ZSCAN32: variants seen among roughly 807,000 people sequenced by gnomAD.
The protein encoded by ZSCAN32 is zinc finger and SCAN domain-containing protein 32.
In ZSCAN32, 52 loss-of-function variants were observed where a neutral mutation model predicts 47.4. The observed-to-expected ratio is 1.10, with a 90% CI of 0.88 to 1.38. The LOEUF (loss-of-function observed/expected upper bound fraction) is 1.38. Ranked by LOEUF, ZSCAN32 falls within the 40% of genes most tolerant of loss-of-function variation. The pLI, the probability that ZSCAN32 is intolerant of heterozygous loss-of-function variation, is 0.00. For synonymous variants in ZSCAN32, 346 were observed against 305.7 expected (o/e 1.13, Z -1.38); for missense variants, 959 against 846.0 (o/e 1.13, Z -1.66).
chr16:3,393,468 C>T (rs1023302771), intron 3 of ZSCAN32, among the ~76,000 whole-genome samples, 181 bp downstream of exon 3: 2 of 150,214 alleles, frequency 1.3e-5, no homozygotes, highest in South Asian at 2.1e-4. Flanking sequence ...TCAGGTGATC[C>T]GCCTGTCTGG....
intron 1 of ZSCAN32, among the ~76,000 whole-genome samples, chr16:3,398,423 T>G (rs908029351): frequency 6.6e-6 from 1 of 152,188 alleles, no homozygotes; most frequent in Non-Finnish European, 1.5e-5. Context: ...GCCAAAGCCC[T>G]AGCCTCTGAA....
rs535500853 is a variant in ZSCAN32, at chr16:3,388,205, G to A, written c.751+1805C>T. Among the ~76,000 whole-genome samples the A allele has an allele frequency of 1.3e-3, 196 of 152,286 alleles. 2 individuals carry two copies. The Middle Eastern group carries it at 0.017, about 13-fold the overall frequency. On this transcript the variant is annotated intron_variant, in intron 5 of 6. Coordinates refer to ENST00000396852, the MANE Select transcript of ZSCAN32 (RefSeq NM_001284527.2). ...TCATTTGATCTGGCTTTCTGAGCTC[G>A]TTTTCTCATTACTCATGGGTGTACT...
At chr16:3,398,634 G>T (rs747930017) in intron 1 of ZSCAN32, among the ~76,000 whole-genome samples, 2 of 152,130 alleles carry the variant, frequency 1.3e-5, no homozygotes, top group East Asian at 3.9e-4. Context: ...GTCTGCTGAC[G>T]AATTACTCAA....
Position 3,382,607 on chromosome 16 carries a change from T to A in ZSCAN32, c.*245A>T, listed in dbSNP as rs939752055. The A allele has an allele frequency of 5.1e-6, 2 of 395,924 alleles. No homozygotes were observed. The highest frequency in any genetic ancestry group is 1.8e-4 in the South Asian group (2 of 10,876). 24.5% of individuals were successfully genotyped at this position (395,924 alleles called of 1,614,324 possible). On this transcript the variant is annotated 3_prime_UTR_variant, in exon 7 of 7. Transcript: ENST00000396852. ...GGAAGACCCTGGTTTCCTGGTAGAATTTATGGATCCTACAGCTTTCTCTCC... is the reference window on the plus strand; with the variant it reads ...GGAAGACCCTGGTTTCCTGGTAGAAATTATGGATCCTACAGCTTTCTCTCC...
rs71392831 is a variant in ZSCAN32, at chr16:3,391,679, CA to C, written c.533-1163del. ...GGGCGACAAGAGTGAAACTCCATCTCAAAAAAAAAAAAAAAAAACAAAATAC... is the reference window on the plus strand; with the variant it reads ...GGGCGACAAGAGTGAAACTCCATCTCAAAAAAAAAAAAAAAAACAAAATAC... On this transcript the variant is annotated intron_variant, in intron 3 of 6. Coordinates refer to ENST00000396852, the MANE Select transcript of ZSCAN32 (RefSeq NM_001284527.2). Among the ~76,000 whole-genome samples the C allele has an allele frequency of 9.2e-3, 599 of 65,408 alleles. 4 individuals are homozygous for C. Among genetic ancestry groups the C allele is most frequent in the Non-Finnish European group, 0.014 (452 of 31,862 alleles). 42.9% of individuals were successfully genotyped at this position (65,408 alleles called of 152,430 possible).
chr16:3,393,801 T>C lies in ZSCAN32; in HGVS notation c.380A>G (p.Glu127Gly), dbSNP rs2033101846. The C allele has an allele frequency of 1.3e-6, 2 of 1,549,490 alleles. No homozygotes were observed. The highest frequency in any genetic ancestry group is 1.7e-6 in the Non-Finnish European group (2 of 1,146,244). ...CTTCATGAGTACTTTCAAGTCCTTC[T>C]CAGAATCTAGAACCTGAGAACAGAC... is the stretch of plus-strand genomic sequence containing the variant. ...RAPGQQVLDS[E>G]KDLKVLMKEM... The change falls in exon 3 of 7, where the codon GAG (glutamate) becomes GGG (glycine). Residue 127 changes from glutamate to glycine, a missense_variant. Glu to Gly is a moderately conservative substitution (Grantham distance 98). Coordinates refer to ENST00000396852, the MANE Select transcript of ZSCAN32 (RefSeq NM_001284527.2).
intron 1 of ZSCAN32, 22 bp from the exon 2 acceptor site, chr16:3,397,766 A>G: frequency 1.8e-6 from 1 of 556,068 alleles, no homozygotes; most frequent in Middle Eastern, 4.5e-4. Flanking sequence ...GGAAAAAGAC[A>G]ATATAAACCT....
At chr16:3,386,413 C>T (rs1035656350) in intron 5 of ZSCAN32, among the ~76,000 whole-genome samples, 3 of 152,064 alleles carry the variant, frequency 2.0e-5, no homozygotes, top group African/African-American at 7.3e-5. Context: ...ACCAGAAATA[C>T]CATTTGACCC....
intron 5 of ZSCAN32, among the ~76,000 whole-genome samples, chr16:3,387,959 C>T (rs1404185704): frequency 6.6e-6 from 1 of 152,170 alleles, no homozygotes; most frequent in Non-Finnish European, 1.5e-5. Context: ...ACTCCTCTGC[C>T]CAGAACCGCA....
chr16:3,383,221 C>G lies in ZSCAN32; in HGVS notation c.1725G>C (p.Arg575Ser), dbSNP rs772317955. Residue 575 changes from arginine to serine, a missense_variant, in exon 7 of 7, where the codon AGG (arginine) becomes AGC (serine). Coordinates refer to ENST00000396852, the MANE Select transcript of ZSCAN32 (RefSeq NM_001284527.2). ...TAHLRTHTGERPYQCGQCGKS... is the reference protein window; with the variant it reads ...TAHLRTHTGESPYQCGQCGKS... ...TCCCACATTGCCCACACTGATAGGG[C>G]CTCTCCCCTGTGTGAGTTCGTAGGT... 1 of 1,614,090 alleles carries G rather than the reference C, an allele frequency of 6.2e-7. No homozygotes were observed. The highest frequency in any genetic ancestry group is 1.1e-5 in the South Asian group (1 of 91,062).
At position 3,390,667 on chromosome 16, in the gene ZSCAN32, T is replaced by G. The variant is rs1050345119; in HGVS notation, c.533-150A>C. The G allele has an allele frequency of 1.8e-5, 11 of 600,334 alleles. No individual in the cohort carries two copies. The African/African-American group carries it at 1.9e-4, about 10-fold the overall frequency. 37.2% of individuals were successfully genotyped at this position (600,334 alleles called of 1,614,324 possible). ...TTCTGGGGCCCCACCTCAGATCTTC[T>G]GAATCGGAAATTCTGGAGGTGGGGC... is the stretch of plus-strand genomic sequence containing the variant. On this transcript the variant is annotated intron_variant, in intron 3 of 6. Coordinates refer to ENST00000396852, the MANE Select transcript of ZSCAN32 (RefSeq NM_001284527.2).
intron 6 of ZSCAN32, chr16:3,383,915 T>G (rs2031596080): frequency 1.7e-6 from 1 of 604,930 alleles, no homozygotes; most frequent in African/African-American, 1.9e-5. Context: ...TGCCCTAAAC[T>G]CCAACTTTTC....
chr16:3,395,855 G>C (rs1290950781), intron 2 of ZSCAN32, among the ~76,000 whole-genome samples: 1 of 152,074 alleles, frequency 6.6e-6, no homozygotes, highest in East Asian at 1.9e-4. Context: ...AAAATTAGTT[G>C]GGCATGGTGG....
intron 3 of ZSCAN32, among the ~76,000 whole-genome samples, chr16:3,393,313 C>T (rs1397395664): frequency 8.4e-6 from 1 of 119,238 alleles, no homozygotes; most frequent in Non-Finnish European, 1.7e-5. Flanking sequence ...TCTTGGCTGA[C>T]TGCAACCTTC....
chr16:3,393,253 A>AT (rs74211230), intron 3 of ZSCAN32, among the ~76,000 whole-genome samples: 1 of 17,494 alleles, frequency 5.7e-5, no homozygotes, highest in Non-Finnish European at 9.2e-5. Context: ...ATATATATAT[A>AT]TATTTTTTGT....
chr16:3,393,850 C>T, intron 2 of ZSCAN32, 36 bp from the exon 3 acceptor site: 2 of 1,498,036 alleles, frequency 1.3e-6, no homozygotes, highest in Non-Finnish European at 1.8e-6. Flanking sequence ...ACTACAAATT[C>T]CTGCCTAAGC....
At chr16:3,384,081 G>T (rs564703082) in intron 6 of ZSCAN32, 1 of 467,152 alleles carries the variant, frequency 2.1e-6, no homozygotes, top group African/African-American at 2.0e-5. Context: ...GGCTTGGCCA[G>T]CTCAAACAGG....
rs770824607 is a variant in ZSCAN32, at chr16:3,397,246, G to A, written c.312C>T (p.Asn104=). ...CAACCAGAGCCACAGCTTCCTCGCCGTTTTCTGGATGCTGCTCCCTCACCC... is the reference window on the plus strand; with the variant it reads ...CAACCAGAGCCACAGCTTCCTCGCCATTTTCTGGATGCTGCTCCCTCACCC... The part of the protein sequence containing the change: ...QTWVREQHPE[N]GEEAVALVED... The change falls in exon 2 of 7, where the codon AAC becomes AAT. Residue 104 remains asparagine, a synonymous_variant. Coordinates refer to ENST00000396852, the MANE Select transcript of ZSCAN32 (RefSeq NM_001284527.2). 177 of 1,563,038 alleles carry A rather than the reference G, an allele frequency of 1.1e-4. 1 individual carries two copies. The highest frequency in any genetic ancestry group is 1.4e-4 in the Non-Finnish European group (160 of 1,153,966).
At chr16:3,392,758 A>T (rs923003208) in intron 3 of ZSCAN32, among the ~76,000 whole-genome samples, 1 of 152,024 alleles carries the variant, frequency 6.6e-6, no homozygotes, top group African/African-American at 2.4e-5. Context: ...CCTGGGAGGC[A>T]GAGCTTGCAG....
Sources: allele counts gnomAD v4.1 joint callset (sites outside exome capture counted in the v4.1 genomes callset), GRCh38; gene constraint gnomAD v4.1.1; transcripts MANE v1.5; gene names NCBI Gene and HGNC (gene_info 2026-07-23, HGNC 2026-07-21).